The following SLC2A9 variants were observed in gnomAD, a reference collection of about 807,000 sequenced individuals.
SLC2A9 encodes solute carrier family 2 member 9, also known as solute carrier family 2, facilitated glucose transporter member 9.
A neutral mutation model predicts 50.6 loss-of-function variants in SLC2A9; 39 were observed. The observed-to-expected ratio is 0.77, with a 90% CI of 0.60 to 1.01. SLC2A9 has a LOEUF of 1.01. SLC2A9 is among the 50% of genes least tolerant of loss of function. The pLI is 0.00. For synonymous variants in SLC2A9, 324 were observed against 276.9 expected (o/e 1.17, Z -1.69); for missense variants, 686 against 677.6 (o/e 1.01, Z -0.14).
chr4:9,888,283 A>G (rs927395141), intron 9 of SLC2A9, among the ~76,000 whole-genome samples: 2 of 150,608 alleles, frequency 1.3e-5, no homozygotes, highest in African/African-American at 4.9e-5. Flanking sequence ...ATATATATAT[A>G]TATATGTATA....
At chr4:9,935,747 C>T (rs1746947623) in intron 6 of SLC2A9, among the ~76,000 whole-genome samples, 1 of 152,156 alleles carries the variant, frequency 6.6e-6, no homozygotes, top group Admixed American at 6.5e-5. Flanking sequence ...ACATATGCTC[C>T]CAGCACCGTC....
At chr4:10,012,727 C>A (rs1761963149) in intron 2 of SLC2A9, among the ~76,000 whole-genome samples, 2 of 152,070 alleles carry the variant, frequency 1.3e-5, no homozygotes, top group South Asian at 4.2e-4. Flanking sequence ...GAGCAGCACG[C>A]ACAAAGGCTC....
intron 5 of SLC2A9, among the ~76,000 whole-genome samples, chr4:9,969,474 C>CT (rs1753554649): frequency 6.6e-6 from 1 of 152,178 alleles, no homozygotes; most frequent in Non-Finnish European, 1.5e-5. Context: ...GACAAATACT[C>CT]TTAAATACAA....
At chr4:9,886,425 TGTGTGTGTGTGTGTGTGTGTGTGTG>T (rs1736247871) in intron 10 of SLC2A9, among the ~76,000 whole-genome samples, 1 of 958 alleles carries the variant, frequency 1.0e-3, no homozygotes, top group African/African-American at 3.9e-3. Flanking sequence ...CTCATAGCAC[TGTGTGTGTGTGTGTGTGTGTGTGTG>T]TGTGTGTGTG....
chr4:9,816,417 C>A (rs1201101758), intron 3 of SLC2A9, among the ~76,000 whole-genome samples: 1 of 151,968 alleles, frequency 6.6e-6, no homozygotes, highest in Non-Finnish European at 1.5e-5. Flanking sequence ...TCAAAGGGTA[C>A]AAAGTTTCAG....
chr4:9,806,668 G>A (rs978756715), intron 3 of SLC2A9, among the ~76,000 whole-genome samples: 4 of 152,220 alleles, frequency 2.6e-5, no homozygotes, highest in African/African-American at 9.6e-5. Flanking sequence ...TAAAGGCTGT[G>A]TGCATGGGGG....
At chr4:9,866,135 C>A (rs1326843296) in intron 10 of SLC2A9, among the ~76,000 whole-genome samples, 1 of 152,152 alleles carries the variant, frequency 6.6e-6, no homozygotes, top group African/African-American at 2.4e-5. Context: ...TTACTTATTC[C>A]CCAGCTTTCT....
intron 1 of SLC2A9, among the ~76,000 whole-genome samples, chr4:10,037,333 G>A (rs1212458033): frequency 2.6e-5 from 4 of 152,070 alleles, no homozygotes; most frequent in African/African-American, 7.2e-5. Flanking sequence ...CATACGGTAC[G>A]GTATATGACC....
At chr4:10,001,934 T>C (rs1337481010) in intron 2 of SLC2A9, among the ~76,000 whole-genome samples, 1 of 152,216 alleles carries the variant, frequency 6.6e-6, no homozygotes, top group African/African-American at 2.4e-5. Context: ...CCCAGCATCC[T>C]CTGCAGCTGG....
intron 3 of SLC2A9, among the ~76,000 whole-genome samples, chr4:9,788,067 T>C (rs1577281035): frequency 6.6e-6 from 1 of 152,360 alleles, no homozygotes; most frequent in East Asian, 1.9e-4. Context: ...ACTGTGGTTG[T>C]CAAATAGTGT....
intron 3 of SLC2A9, among the ~76,000 whole-genome samples, chr4:9,987,087 A>T (rs1389352924): frequency 6.6e-6 from 1 of 152,160 alleles, no homozygotes; most frequent in Non-Finnish European, 1.5e-5. Flanking sequence ...AAACAAGTTA[A>T]CTAGGTTGCT....
At chr4:9,989,020 A>G (rs1277092127) in intron 3 of SLC2A9, among the ~76,000 whole-genome samples, 2 of 152,222 alleles carry the variant, frequency 1.3e-5, no homozygotes, top group African/African-American at 2.4e-5. Flanking sequence ...GAAATAATGT[A>G]TCTCTCCACA....
chr4:9,911,236 C>G (rs1741720165), intron 7 of SLC2A9, among the ~76,000 whole-genome samples: 1 of 152,096 alleles, frequency 6.6e-6, no homozygotes, highest in African/African-American at 2.4e-5. Context: ...AGATCCTCTC[C>G]CGCTGCCCAG....
At position 9,877,718 on chromosome 4, in the gene SLC2A9, G is replaced by C. The variant is rs181623671; in HGVS notation, c.1291+9849C>G. Among the ~76,000 whole-genome samples the C allele has an allele frequency of 9.9e-4, 151 of 152,296 alleles. 1 individual carries two copies. The highest frequency in any genetic ancestry group is 9.4e-4 in the Non-Finnish European group (64 of 68,024). On this transcript the variant is annotated intron_variant, in intron 10 of 11. Coordinates refer to ENST00000264784, the MANE Select transcript of SLC2A9 (RefSeq NM_020041.3). ...GTTTCATGGTTTCTTCTTTCCAGAT[G>C]TTGCAGGTGCAGGCCTGGCATTGAG...
At chr4:9,789,835 A>C (rs1383629914) in intron 3 of SLC2A9, among the ~76,000 whole-genome samples, 2 of 152,208 alleles carry the variant, frequency 1.3e-5, no homozygotes, top group Admixed American at 1.3e-4. Context: ...CAGGGAAAAC[A>C]CTCAGAATAT....
At chr4:9,927,628 A>C (rs1170296960) in intron 6 of SLC2A9, among the ~76,000 whole-genome samples, 1 of 152,214 alleles carries the variant, frequency 6.6e-6, no homozygotes, top group Non-Finnish European at 1.5e-5. Flanking sequence ...ATGGAATTTA[A>C]GAGGAGGAAG....
At chr4:10,010,107 T>A (rs1024625174) in intron 2 of SLC2A9, among the ~76,000 whole-genome samples, 1 of 152,140 alleles carries the variant, frequency 6.6e-6, no homozygotes, top group Non-Finnish European at 1.5e-5. Flanking sequence ...CCAAGTGACA[T>A]CAGCCCTACC....
chr4:9,834,931 C>T lies in SLC2A9; in HGVS notation c.1369G>A (p.Val457Ile), dbSNP rs200305429. 5.0e-5 allele frequency: 81 copies of T among 1,613,988 alleles called. No individual in the cohort carries two copies. Among genetic ancestry groups the T allele is most frequent in the Middle Eastern group, 5.0e-4 (3 of 6,038 alleles). The change falls in exon 11 of 12, where the codon GTC becomes ATC. Residue 457 changes from valine (V) to isoleucine (I), a missense_variant. Physicochemically the swap from Val to Ile is conservative, Grantham distance 29 (BLOSUM62 3). Transcript: ENST00000264784. ...RPAAFIIAGTVNWLSNFAVGL... is the reference protein window; with the variant it reads ...RPAAFIIAGTINWLSNFAVGL... ...ACAGCAAAGTTGGAGAGCCAGTTGA[C>T]GGTGCCTGCAATGATGAAGGCAGCC... is the stretch of plus-strand genomic sequence containing the variant.
At chr4:9,951,381 T>C (rs988920181) in intron 5 of SLC2A9, among the ~76,000 whole-genome samples, 8 of 152,138 alleles carry the variant, frequency 5.3e-5, no homozygotes, top group African/African-American at 1.9e-4. Context: ...CTGAAGGGTA[T>C]AAAAAGGAAT....
Sources: gnomAD v4.1 joint callset for allele counts (sites outside exome capture counted in the v4.1 genomes callset) on GRCh38, gnomAD v4.1.1 for gene constraint, MANE v1.5 for transcripts, NCBI Gene and HGNC (gene_info 2026-07-23, HGNC 2026-07-21) for gene names.